Variants in TMEM260 observed in about 807,000 individuals in gnomAD.
TMEM260 encodes the protein transmembrane protein 260, also known as protein O-mannosyl-transferase TMEM260.
Under a neutral mutation model 88.9 loss-of-function variants are expected in TMEM260, and 82 were observed. The observed-to-expected ratio is 0.92, with a 90% CI of 0.77 to 1.11. The LOEUF (loss-of-function observed/expected upper bound fraction) is 1.11. Ranked by LOEUF, TMEM260 falls within the 50% of genes least tolerant of loss-of-function variation. The pLI is 0.00. For synonymous variants in TMEM260, 314 were observed against 309.3 expected (o/e 1.02, Z -0.16); for missense variants, 902 against 853.4 (o/e 1.06, Z -0.71).
Position 56,641,207 on chromosome 14 carries a change from TGATTGTCA to T in TMEM260, c.1869+4614_1869+4621del, listed in dbSNP as rs530480151. Among the ~76,000 whole-genome samples the T allele has an allele frequency of 5.9e-3, 890 of 150,908 alleles. 6 individuals are homozygous for T. The highest frequency in any genetic ancestry group is 0.02 in the African/African-American group (818 of 40,514). On this transcript the variant is annotated intron_variant, in intron 15 of 15. Transcript: ENST00000261556. ...TCGAGAAGAGCAACTCCAAGACACA[TGATTGTCA>T]GATTCACCAAAGCTGAAATGAAGGA...
chr14:56,579,714 G>T (rs138987663), upstream of TMEM260: 1 of 411,750 alleles, frequency 2.4e-6, no homozygotes, highest in Non-Finnish European at 4.2e-6. Context: ...GGGAAAACTC[G>T]CAGGGCCTGG....
In TMEM260 at chr14:56,609,183, C is replaced by G; in HGVS notation, c.714C>G (p.Ile238Met). The stretch of plus-strand genomic sequence containing the variant: ...TGCTGCCCTATGTCCACCTTCCCAT[C>G]TCATCTTACCTTAATCACGCCCGGT... ...AGLLPYVHLPISSYLNHARWT... is the reference protein window; with the variant it reads ...AGLLPYVHLPMSSYLNHARWT... The change falls in exon 6 of 16, where the codon ATC becomes ATG. Residue 238 changes from isoleucine (I) to methionine (M), a missense_variant. Transcript: ENST00000261556. 6.2e-7 allele frequency: 1 copy of G among 1,614,162 alleles called. No individual in the cohort carries two copies. The highest frequency in any genetic ancestry group is 8.5e-7 in the Non-Finnish European group (1 of 1,180,028).
downstream of TMEM260, among the ~76,000 whole-genome samples, chr14:56,654,706 T>A (rs960989107): frequency 6.8e-6 from 1 of 147,786 alleles, no homozygotes; most frequent in Admixed American, 6.9e-5. Flanking sequence ...CTCAGCTACT[T>A]GGGAGGCTGA....
chr14:56,643,152 A>G (rs1889721338), intron 15 of TMEM260, among the ~76,000 whole-genome samples: 2 of 152,254 alleles, frequency 1.3e-5, no homozygotes, highest in Non-Finnish European at 2.9e-5. Flanking sequence ...AATCCTCCCT[A>G]ACTCATTTTA....
chr14:56,585,686 A>G lies in TMEM260; in HGVS notation c.193-75A>G, dbSNP rs563330561. ...TTTATAGCTGCTTGAGAAAAGGGCT[A>G]CTTTTCAATTAAGGCCTGTGGGACT... On this transcript the variant is annotated intron_variant, in intron 2 of 15. Transcript: ENST00000261556. 51 of 1,413,508 alleles carry G rather than the reference A, an allele frequency of 3.6e-5. No individual in the cohort carries two copies. The African/African-American group carries it at 4.5e-4, about 12-fold the overall frequency. 87.6% of individuals were successfully genotyped at this position (1,413,508 alleles called of 1,614,324 possible).
chr14:56,585,820 G>C lies in TMEM260; in HGVS notation c.252G>C (p.Leu84=), dbSNP rs1566525119. 1.2e-6 allele frequency: 2 copies of C among 1,613,108 alleles called. No individual in the cohort carries two copies. The highest frequency in any genetic ancestry group is 1.7e-6 in the Non-Finnish European group (2 of 1,179,588). ...FTLVAKLAIT[L]FPFGSIAYRV... is the part of the protein sequence containing the mutation. The stretch of plus-strand genomic sequence containing the variant: ...TGGTGGCTAAACTGGCAATTACACT[G>C]TTTCCTTTTGGTTCAATTGCCTACC... Residue 84 remains leucine (L), a synonymous_variant, in exon 3 of 16, where the codon CTG becomes CTC. Transcript: ENST00000261556.
At chr14:56,606,821 AGAG>A (rs1886936997) in intron 5 of TMEM260, among the ~76,000 whole-genome samples, 6 of 152,098 alleles carry the variant, frequency 3.9e-5, no homozygotes, top group Admixed American at 3.9e-4. Flanking sequence ...CTTGAACCCG[AGAG>A]GAGGAGGTTG....
chr14:56,635,367 CT>C (rs2139632885), intron 14 of TMEM260, among the ~76,000 whole-genome samples: 1 of 152,310 alleles, frequency 6.6e-6, no homozygotes, highest in African/African-American at 2.4e-5. Flanking sequence ...TTATTCAGTA[CT>C]TACTGGAGGC....
chr14:56,655,068 A>G (rs1890276970), downstream of TMEM260, among the ~76,000 whole-genome samples: 1 of 152,042 alleles, frequency 6.6e-6, no homozygotes. Flanking sequence ...GCTTCACCTA[A>G]ATTTCCTTCA....
At position 56,585,834 on chromosome 14, in the gene TMEM260, C is replaced by G. The variant is rs779263904; in HGVS notation, c.266C>G (p.Ser89Ter). Residue 89 changes from serine (S) to a stop codon, truncating the protein, a stop_gained, in exon 3 of 16, where the codon TCA (serine) becomes TGA (stop). Transcript: ENST00000261556. LOFTEE classifies it high-confidence loss of function. The stretch of plus-strand genomic sequence containing the variant: ...GCAATTACACTGTTTCCTTTTGGTT[C>G]AATTGCCTACCGCGTCAATCTTCTC... Reference protein sequence around the residue: ...KLAITLFPFGSIAYRVNLLCG... With the variant: ...KLAITLFPFG The G allele has an allele frequency of 6.2e-7, 1 of 1,613,682 alleles. No individual in the cohort carries two copies. Among genetic ancestry groups the G allele is most frequent in the South Asian group, 1.1e-5 (1 of 91,038 alleles).
At chr14:56,601,942 T>A (rs8005220) in intron 3 of TMEM260, among the ~76,000 whole-genome samples, 16,557 of 151,932 alleles carry the variant, frequency 0.11, 1,482 homozygotes, top group African/African-American at 0.24. Context: ...ATCAGCCATT[T>A]CTCCAAGGAT....
chr14:56,630,513 T>C (rs1888523761), intron 12 of TMEM260, among the ~76,000 whole-genome samples: 1 of 152,160 alleles, frequency 6.6e-6, no homozygotes, highest in African/African-American at 2.4e-5. Context: ...CATACTGTCT[T>C]GCCAAACTTA....
At chr14:56,599,087 C>T (rs1353399357) in intron 3 of TMEM260, among the ~76,000 whole-genome samples, 1 of 152,120 alleles carries the variant, frequency 6.6e-6, no homozygotes, top group Non-Finnish European at 1.5e-5. Context: ...TCATTAATGG[C>T]TCACACTGTC....
chr14:56,622,745 GA>G (rs1888008851), intron 11 of TMEM260, among the ~76,000 whole-genome samples: 1 of 152,114 alleles, frequency 6.6e-6, no homozygotes, highest in South Asian at 2.1e-4. Flanking sequence ...ATAATATGAT[GA>G]ATTCAATTGA....
rs865830296 is a variant in TMEM260 at position 56,579,809 on chromosome 14, C to T, written c.-106C>T. On this transcript the variant is annotated 5_prime_UTR_variant, in exon 1 of 16. Transcript: ENST00000261556. Reference sequence around the variant, plus strand: ...ACCCGCGGAGGCTCGACCCGGAAGCCGCCGTGGCCGCCGCACAAGCTGCGC... The same window carrying T: ...ACCCGCGGAGGCTCGACCCGGAAGCTGCCGTGGCCGCCGCACAAGCTGCGC... 16 of 1,128,162 alleles carry T rather than the reference C, an allele frequency of 1.4e-5. No individual in the cohort carries two copies. The highest frequency in any genetic ancestry group is 6.6e-4 in the Middle Eastern group (2 of 3,020). The allele number at this position is 1,128,162 out of a possible 1,614,324, so 69.9% of individuals were successfully genotyped here.
chr14:56,608,794 G>C (rs1322699148), intron 5 of TMEM260, among the ~76,000 whole-genome samples: 1 of 152,148 alleles, frequency 6.6e-6, no homozygotes, highest in African/African-American at 2.4e-5. Flanking sequence ...TATCTTAGCT[G>C]TGCAATGCTG....
At chr14:56,607,466 G>T (rs907977619) in intron 5 of TMEM260, among the ~76,000 whole-genome samples, 1 of 152,108 alleles carries the variant, frequency 6.6e-6, no homozygotes, top group African/African-American at 2.4e-5. Flanking sequence ...AAAAAGCAGA[G>T]GCTAGAAAAT....
intron 11 of TMEM260, among the ~76,000 whole-genome samples, chr14:56,622,632 T>C (rs1450185911): frequency 6.6e-6 from 1 of 152,058 alleles, no homozygotes; most frequent in Non-Finnish European, 1.5e-5. Flanking sequence ...CTATTTAAAC[T>C]AAGATTTATT....
intron 12 of TMEM260, among the ~76,000 whole-genome samples, chr14:56,632,117 A>T (rs1219985533): frequency 1.3e-5 from 2 of 152,172 alleles, no homozygotes; most frequent in African/African-American, 4.8e-5. Flanking sequence ...CTCAGAGATA[A>T]GCTGAGGATA....
Sources: allele counts gnomAD v4.1 joint callset (sites outside exome capture counted in the v4.1 genomes callset), GRCh38; gene constraint gnomAD v4.1.1; transcripts MANE v1.5; gene names NCBI Gene and HGNC (gene_info 2026-07-23, HGNC 2026-07-21).